UBTD2: variants seen among roughly 807,000 people sequenced by gnomAD.
UBTD2 encodes ubiquitin domain containing 2.
In UBTD2, 9 loss-of-function variants were observed where a neutral mutation model predicts 19.8. The ratio of observed to expected loss-of-function variants is 0.46; its 90% CI spans 0.27 to 0.79. The LOEUF (loss-of-function observed/expected upper bound fraction) is 0.79. UBTD2 is among the 30% of genes least tolerant of loss of function. The pLI, the probability that UBTD2 is intolerant of heterozygous loss-of-function variation, is 0.14. For synonymous variants in UBTD2, 98 were observed against 103.9 expected (o/e 0.94, Z 0.35); for missense variants, 250 against 300.4 (o/e 0.83, Z 1.24).
At chr5:172,251,465 CAAAAAAA>C (rs59810255) in intron 1 of UBTD2, among the ~76,000 whole-genome samples, 11 of 91,944 alleles carry the variant, frequency 1.2e-4, no homozygotes, top group Middle Eastern at 7.4e-3. Context: ...TCAAACTGTC[CAAAAAAA>C]AAAAAAAAAA....
chr5:172,233,761 G>A (rs948881660), intron 2 of UBTD2, among the ~76,000 whole-genome samples: 4 of 138,932 alleles, frequency 2.9e-5, no homozygotes, highest in Admixed American at 7.3e-5. Context: ...GAGGAAACCA[G>A]TGAAGTGGAA....
chr5:172,284,091 T>TGGGCTCGGCCC (rs1160726371), upstream of UBTD2: 7 of 150,262 alleles, frequency 4.7e-5, no homozygotes, highest in South Asian at 2.1e-4. Flanking sequence ...ACCCACGGCC[T>TGGGCTCGGCCC]GGGCTCGGCC....
Position 172,240,479 on chromosome 5 carries a change from C to A in UBTD2, c.71-6121G>T, listed in dbSNP as rs903513643. Among the ~76,000 whole-genome samples the A allele has an allele frequency of 9.2e-5, 14 of 151,806 alleles. No individual in the cohort carries two copies. The South Asian group carries it at 1.0e-3, about 11-fold the overall frequency. ...TATAATTTCAATGTTTTTGAGGTAG[C>A]TTTATTGGGGGGAAAAAAATCAACA... On this transcript the variant is annotated intron_variant, in intron 1 of 2. Coordinates refer to ENST00000393792, the MANE Select transcript of UBTD2 (RefSeq NM_152277.3).
chr5:172,249,095 T>C (rs1014871895), intron 1 of UBTD2, among the ~76,000 whole-genome samples: 4 of 152,012 alleles, frequency 2.6e-5, no homozygotes, highest in African/African-American at 7.2e-5. Context: ...ACCAATCTTA[T>C]AGAAATAGAA....
chr5:172,263,584 G>T (rs1351943210), intron 1 of UBTD2, among the ~76,000 whole-genome samples: 1 of 152,058 alleles, frequency 6.6e-6, no homozygotes, highest in African/African-American at 2.4e-5. Context: ...CACGAGGTCA[G>T]GAGATCGAGA....
chr5:172,226,510 C>G (rs1470203495), intron 2 of UBTD2, among the ~76,000 whole-genome samples: 1 of 152,182 alleles, frequency 6.6e-6, no homozygotes, highest in Non-Finnish European at 1.5e-5. Context: ...ATAATGTTGG[C>G]TGTCTTCTCT....
chr5:172,231,044 A>G (rs1771884650), intron 2 of UBTD2, among the ~76,000 whole-genome samples: 1 of 152,188 alleles, frequency 6.6e-6, no homozygotes, highest in African/African-American at 2.4e-5. Flanking sequence ...CGGCCTCCCA[A>G]AGTGCTGGGA....
intron 1 of UBTD2, among the ~76,000 whole-genome samples, chr5:172,256,752 C>T (rs1755161146): frequency 6.6e-6 from 1 of 152,100 alleles, no homozygotes; most frequent in South Asian, 2.1e-4. Flanking sequence ...GAAACACCAT[C>T]TCTACTAAAA....
At chr5:172,255,060 T>C in intron 1 of UBTD2, 2 of 505,918 alleles carry the variant, frequency 4.0e-6, no homozygotes, top group South Asian at 1.7e-5. Flanking sequence ...GCTGCCATCA[T>C]CTGCGGCATG....
intron 1 of UBTD2, among the ~76,000 whole-genome samples, chr5:172,248,939 G>C (rs898793856): frequency 6.0e-5 from 9 of 149,560 alleles, no homozygotes; most frequent in East Asian, 2.0e-4. Context: ...GCCTGTCTTG[G>C]GGGGGAAGAA....
At chr5:172,248,385 C>T (rs1396198092) in intron 1 of UBTD2, among the ~76,000 whole-genome samples, 1 of 151,882 alleles carries the variant, frequency 6.6e-6, no homozygotes, top group African/African-American at 2.4e-5. Context: ...GTCAGGAATT[C>T]GAGACCAGCC....
At position 172,267,786 on chromosome 5, in the gene UBTD2, T is replaced by TA. The variant is rs201650784; in HGVS notation, c.70+15809dup. Among the ~76,000 whole-genome samples, 1,115 of 151,230 alleles carry TA rather than the reference T, an allele frequency of 7.4e-3. 14 individuals are homozygous for TA. Among genetic ancestry groups the TA allele is most frequent in the African/African-American group, 0.024 (992 of 41,300 alleles). ...CTATGTTAGTGTTCAATGTCAGATTTAAAAAAAAAGAAGATTCCATGTTAA... is the reference window on the plus strand; with the variant it reads ...CTATGTTAGTGTTCAATGTCAGATTTAAAAAAAAAAGAAGATTCCATGTTAA... On this transcript the variant is annotated intron_variant, in intron 1 of 2. Coordinates refer to ENST00000393792, the MANE Select transcript of UBTD2 (RefSeq NM_152277.3).
chr5:172,215,808 T>C (rs1290722553), intron 2 of UBTD2, among the ~76,000 whole-genome samples: 2 of 152,210 alleles, frequency 1.3e-5, no homozygotes, highest in Non-Finnish European at 2.9e-5. Context: ...AGAACGCCTT[T>C]GATGGGCTTA....
At chr5:172,219,361 C>T (rs115345836) in intron 2 of UBTD2, among the ~76,000 whole-genome samples, 2,127 of 152,300 alleles carry the variant, frequency 0.014, 39 homozygotes, top group African/African-American at 0.048. Flanking sequence ...AATCCAGAAT[C>T]ACACAATTCA....
chr5:172,250,176 T>G (rs1236946059), intron 1 of UBTD2, among the ~76,000 whole-genome samples: 1 of 152,208 alleles, frequency 6.6e-6, no homozygotes, highest in Admixed American at 6.5e-5. Flanking sequence ...TGAGCCGAGA[T>G]AGCACCACTG....
At chr5:172,232,108 C>G (rs868127854) in intron 2 of UBTD2, among the ~76,000 whole-genome samples, 2 of 151,510 alleles carry the variant, frequency 1.3e-5, no homozygotes, top group African/African-American at 4.9e-5. Flanking sequence ...CTGTCTCTAC[C>G]AAAAAAATAC....
chr5:172,246,358 T>C (rs1346508650), intron 1 of UBTD2, among the ~76,000 whole-genome samples: 3 of 149,168 alleles, frequency 2.0e-5, no homozygotes, highest in Non-Finnish European at 3.0e-5. Context: ...AAACACATAA[T>C]ACAATGTCAG....
intron 1 of UBTD2, among the ~76,000 whole-genome samples, chr5:172,251,327 G>GAAAAAAAAAAAAAAAAAAAGAA (rs1554129191): frequency 9.5e-6 from 1 of 104,806 alleles, no homozygotes; most frequent in African/African-American, 3.7e-5. Context: ...AAAAAAAAAA[G>GAAAAAAAAAAAAAAAAAAAGAA]AAAATAGCCA....
At chr5:172,216,981 C>T (rs1771556523) in intron 2 of UBTD2, among the ~76,000 whole-genome samples, 1 of 151,924 alleles carries the variant, frequency 6.6e-6, no homozygotes, top group Non-Finnish European at 1.5e-5. Context: ...ACCACACACA[C>T]ACACAAAACA....
Sources: gnomAD v4.1 joint callset for allele counts (sites outside exome capture counted in the v4.1 genomes callset) on GRCh38, gnomAD v4.1.1 for gene constraint, MANE v1.5 for transcripts, NCBI Gene and HGNC (gene_info 2026-07-23, HGNC 2026-07-21) for gene names.